The following UNC93B1 variants were observed in gnomAD, a reference collection of about 807,000 sequenced individuals.
UNC93B1 encodes the protein protein unc-93 homolog B1.
Under a neutral mutation model 56.8 loss-of-function variants are expected in UNC93B1, and 33 were observed. That is an observed-to-expected ratio of 0.58 (90% CI 0.44 to 0.78). UNC93B1 has a LOEUF of 0.78. Ranked by LOEUF, UNC93B1 falls within the 30% of genes least tolerant of loss-of-function variation. The probability of loss-of-function intolerance (pLI) is 0.00; values close to 1 mark genes in which losing one functional copy is unlikely to be tolerated. For synonymous variants in UNC93B1, 334 were observed against 358.6 expected (o/e 0.93, Z 0.77); for missense variants, 673 against 819.5 (o/e 0.82, Z 2.18).
At chr11:68,001,541 C>T (rs999570448) in intron 3 of UNC93B1, among the ~76,000 whole-genome samples, 5 of 151,926 alleles carry the variant, frequency 3.3e-5, no homozygotes, top group South Asian at 2.1e-4. Flanking sequence ...CCCAGCTACT[C>T]GGGAGGCTGA....
intron 10 of UNC93B1, among the ~76,000 whole-genome samples, chr11:67,993,355 A>G (rs1856881241): frequency 6.6e-6 from 1 of 152,236 alleles, no homozygotes; most frequent in Non-Finnish European, 1.5e-5. Context: ...ATTTTTTGTG[A>G]GCAGAGCATG....
At position 67,997,903 on chromosome 11, in the gene UNC93B1, C is replaced by T. The variant is rs559924530; in HGVS notation, c.782-104G>A. 12 of 1,500,686 alleles carry T rather than the reference C, an allele frequency of 8.0e-6. No homozygotes were observed. The African/African-American group carries it at 9.7e-5, about 12-fold the overall frequency. The allele number at this position is 1,500,686 out of a possible 1,614,324, so 93.0% of individuals were successfully genotyped here. A position where few individuals can be genotyped will look rare whatever the true frequency, so the allele number is the denominator to read the frequency against. On this transcript the variant is annotated intron_variant, in intron 6 of 10. Coordinates refer to ENST00000227471, the MANE Select transcript of UNC93B1 (RefSeq NM_030930.4). Reference sequence around the variant, plus strand: ...CAGGCCGCGGAGGAGCGGTGGAGGGCGGGAGAGTGAGAGCAAGGGCAGAGT... The same window carrying T: ...CAGGCCGCGGAGGAGCGGTGGAGGGTGGGAGAGTGAGAGCAAGGGCAGAGT...
intron 3 of UNC93B1, 113 bp from the exon 4 acceptor site, chr11:67,999,793 A>G (rs1330937383): frequency 7.2e-7 from 1 of 1,385,252 alleles, no homozygotes; most frequent in Non-Finnish European, 9.7e-7. Flanking sequence ...TGAGGTAGAG[A>G]GAGTCGAGGG....
chr11:67,993,280 C>T (rs1274903657), intron 10 of UNC93B1, among the ~76,000 whole-genome samples: 22 of 152,250 alleles, frequency 1.4e-4, no homozygotes, highest in African/African-American at 3.9e-4. Context: ...TGAGCCACCG[C>T]GCCCGGCCTT....
intron 4 of UNC93B1, 22 bp from the exon 5 acceptor site, chr11:67,999,327 G>C (rs1456301149): frequency 1.9e-6 from 3 of 1,601,610 alleles, no homozygotes; most frequent in Non-Finnish European, 8.5e-7. Context: ...AGGAGAGAAG[G>C]CTCTCCCCAG....
intron 6 of UNC93B1, 59 bp from the exon 7 acceptor site, chr11:67,997,858 G>T: frequency 6.3e-7 from 1 of 1,581,226 alleles, no homozygotes. Flanking sequence ...AGTCAATCCA[G>T]CCACCAGGGT....
chr11:68,002,363 T>A (rs901002993), intron 3 of UNC93B1, among the ~76,000 whole-genome samples: 2 of 152,222 alleles, frequency 1.3e-5, no homozygotes, highest in Non-Finnish European at 2.9e-5. Flanking sequence ...ATCCTGCCTG[T>A]GCAACGGGAG....
intron 3 of UNC93B1, 56 bp from the exon 4 acceptor site, chr11:67,999,736 G>A (rs1177790920): frequency 3.2e-6 from 5 of 1,576,112 alleles, no homozygotes; most frequent in Non-Finnish European, 4.3e-6. Context: ...ACTGTGGCCT[G>A]AAGCCAAACG....
chr11:67,998,498 G>A, intron 5 of UNC93B1, 46 bp from the exon 6 acceptor site: 1 of 1,594,708 alleles, frequency 6.3e-7, no homozygotes, highest in South Asian at 1.1e-5. Flanking sequence ...CACAGAGCCA[G>A]GCAAGGGACA....
At chr11:67,992,501 G>C (rs1255755171) in intron 10 of UNC93B1, among the ~76,000 whole-genome samples, 3 of 152,060 alleles carry the variant, frequency 2.0e-5, no homozygotes, top group Non-Finnish European at 4.4e-5. Context: ...ACTACGCCCA[G>C]CTATTTTTTA....
intron 10 of UNC93B1, among the ~76,000 whole-genome samples, chr11:67,992,696 G>A (rs185198272): frequency 4.7e-5 from 6 of 128,590 alleles, no homozygotes; most frequent in East Asian, 2.2e-4. Flanking sequence ...ACAGAGTCTC[G>A]CTCTGTCCTC....
Position 68,003,346 on chromosome 11 carries a change from C to T in UNC93B1, c.239-171G>A. The T allele has an allele frequency of 5.2e-6, 5 of 963,762 alleles. No individual in the cohort carries two copies. The highest frequency in any genetic ancestry group is 1.9e-5 in the South Asian group (1 of 53,916). 59.7% of individuals were successfully genotyped at this position (963,762 alleles called of 1,614,324 possible). A position where few individuals can be genotyped will look rare whatever the true frequency, so the allele number is the denominator to read the frequency against. On this transcript the variant is annotated intron_variant, in intron 2 of 10. Coordinates refer to ENST00000227471, the MANE Select transcript of UNC93B1 (RefSeq NM_030930.4). The surrounding 1 kb of genome is among the most constrained non-coding windows in gnomAD (Gnocchi z 4.4). Reference sequence around the variant, plus strand: ...GGCTGCGCCACGCCTTCTGCCAGCCCGCGGCCACTTGGCCAGCTAAGCCCA... The same window carrying T: ...GGCTGCGCCACGCCTTCTGCCAGCCTGCGGCCACTTGGCCAGCTAAGCCCA...
intron 3 of UNC93B1, among the ~76,000 whole-genome samples, chr11:68,000,054 G>A (rs1371402530): frequency 5.3e-5 from 8 of 152,204 alleles, no homozygotes; most frequent in African/African-American, 1.7e-4. Flanking sequence ...CTTGACTCAG[G>A]CTGGGAGAAG....
chr11:67,998,645 A>G (rs1856992896), intron 5 of UNC93B1, among the ~76,000 whole-genome samples, 193 bp from the exon 6 acceptor site: 1 of 152,204 alleles, frequency 6.6e-6, no homozygotes, highest in Non-Finnish European at 1.5e-5. Context: ...AGGGCAGATG[A>G]GATCTCTATC....
rs1040746808 is a variant in UNC93B1, at chr11:68,001,403, C to T, written c.392+1619G>A. On this transcript the variant is annotated intron_variant, in intron 3 of 10. Coordinates refer to ENST00000227471, the MANE Select transcript of UNC93B1 (RefSeq NM_030930.4). ...GGGGAGTGCTGGATGTGGTGGCTCA[C>T]ACCTGTAATCCCAACACTTTGTGGG... Among the ~76,000 whole-genome samples, 7 of 152,172 alleles carry T rather than the reference C, an allele frequency of 4.6e-5. No individual in the cohort carries two copies. In the Middle Eastern group the frequency reaches 0.017, roughly 370 times the overall value.
At chr11:67,995,283 C>T (rs1260156733) in intron 9 of UNC93B1, among the ~76,000 whole-genome samples, 1 of 152,152 alleles carries the variant, frequency 6.6e-6, no homozygotes, top group Non-Finnish European at 1.5e-5. Flanking sequence ...CATGTAGCCA[C>T]GAGACTTCAC....
In UNC93B1 at chr11:67,998,600, T is replaced by C. The variant is rs182435848; in HGVS notation, c.688-148A>G. ...GTAGTGTGGTTACAGGGCCGCCCAA[T>C]GAGGAAGACCTCCTCCTGGCCAGCA... On this transcript the variant is annotated intron_variant, in intron 5 of 10. Coordinates refer to ENST00000227471, the MANE Select transcript of UNC93B1 (RefSeq NM_030930.4). 9.7e-6 allele frequency: 7 copies of C among 718,590 alleles called. No individual in the cohort carries two copies. In the Admixed American group the frequency reaches 1.5e-4, roughly 16 times the overall value. 44.5% of individuals were successfully genotyped at this position (718,590 alleles called of 1,614,324 possible).
At position 67,993,880 on chromosome 11, in the gene UNC93B1, A is replaced by G; in HGVS notation, c.1364-86T>C. ...GAGCTACCATCTACGAACTTTACTAAGCCCTGTATGGGTCCCAGCCCCGGA... is the reference window on the plus strand; with the variant it reads ...GAGCTACCATCTACGAACTTTACTAGGCCCTGTATGGGTCCCAGCCCCGGA... On this transcript the variant is annotated intron_variant, in intron 9 of 10. Transcript: ENST00000227471. 4 of 920,744 alleles carry G rather than the reference A, an allele frequency of 4.3e-6. No homozygotes were observed. The South Asian group carries it at 5.6e-5, about 13-fold the overall frequency. The allele number at this position is 920,744 out of a possible 1,614,324, so 57.0% of individuals were successfully genotyped here.
chr11:68,003,627 G>A lies in UNC93B1; in HGVS notation c.238+30C>T. On this transcript the variant is annotated intron_variant, in intron 2 of 10. Transcript: ENST00000227471. The surrounding 1 kb of genome is among the most constrained non-coding windows in gnomAD (Gnocchi z 4.4). ...CCCGGGCCGGGCTGGGAGCGGGCGG[G>A]GCGGCCCCGGGTCCCCGAGCGGCAC... 6 of 1,505,498 alleles carry A rather than the reference G, an allele frequency of 4.0e-6. No homozygotes were observed. Among genetic ancestry groups the A allele is most frequent in the Non-Finnish European group, 5.3e-6 (6 of 1,133,250 alleles). 93.3% of individuals were successfully genotyped at this position (1,505,498 alleles called of 1,614,324 possible).
Sources: allele counts gnomAD v4.1 joint callset (sites outside exome capture counted in the v4.1 genomes callset), GRCh38; gene constraint gnomAD v4.1.1; non-coding constraint Gnocchi (gnomAD v3.1); transcripts MANE v1.5; gene names NCBI Gene and HGNC (gene_info 2026-07-23, HGNC 2026-07-21).